ADAM12: variants seen among roughly 807,000 people sequenced by gnomAD.
ADAM12 encodes ADAM metallopeptidase domain 12.
ADAM12 carries 70 observed loss-of-function variants against 106.4 expected under a neutral mutation model. The ratio of observed to expected loss-of-function variants is 0.66; its 90% CI spans 0.54 to 0.80. The LOEUF is 0.80. ADAM12 is among the 30% of genes least tolerant of loss of function. ADAM12 has a pLI of 0.00. For synonymous variants in ADAM12, 420 were observed against 433.5 expected (o/e 0.97, Z 0.39); for missense variants, 1,010 against 1,171.9 (o/e 0.86, Z 2.02).
intron 3 of ADAM12, among the ~76,000 whole-genome samples, chr10:126,166,745 C>T (rs1009503788): frequency 6.6e-6 from 1 of 152,112 alleles, no homozygotes; most frequent in African/African-American, 2.4e-5. Flanking sequence ...GATCCGCCCG[C>T]CTCGACCTCC....
intron 2 of ADAM12, among the ~76,000 whole-genome samples, chr10:126,312,665 C>T (rs530196503): frequency 2.6e-5 from 4 of 152,078 alleles, no homozygotes; most frequent in Admixed American, 2.6e-4. Context: ...AAACACTAAG[C>T]CAAACATGAT....
At chr10:126,163,199 A>G (rs574898700) in intron 3 of ADAM12, among the ~76,000 whole-genome samples, 2 of 152,290 alleles carry the variant, frequency 1.3e-5, no homozygotes, top group South Asian at 4.1e-4. Context: ...TAAATTACCA[A>G]GTCTCAGGTA....
intron 11 of ADAM12, among the ~76,000 whole-genome samples, chr10:126,093,365 C>T (rs535940823): frequency 6.6e-6 from 1 of 152,078 alleles, no homozygotes; most frequent in Admixed American, 6.5e-5. Context: ...TGAACCAAGT[C>T]GGGAGTGTCA....
intron 4 of ADAM12, chr10:126,145,462 GCAGTGTAGCA>G (rs142221184): frequency 0.32 from 49,408 of 152,390 alleles, 8,382 homozygotes; most frequent in Non-Finnish European, 0.38. Flanking sequence ...TGAACTGGAG[GCAGTGTAGCA>G]CAGCATATAG....
intron 5 of ADAM12, among the ~76,000 whole-genome samples, chr10:126,124,892 T>C (rs1337635101): frequency 5.9e-5 from 2 of 33,662 alleles, no homozygotes; most frequent in Admixed American, 6.4e-4. Flanking sequence ...TGAGACACCG[T>C]CTCAAAAAAA....
chr10:126,318,974 G>A (rs1030288425), intron 2 of ADAM12, among the ~76,000 whole-genome samples: 1 of 152,122 alleles, frequency 6.6e-6, no homozygotes. Flanking sequence ...TCACTATCAT[G>A]AGAACAGCAT....
intron 12 of ADAM12, among the ~76,000 whole-genome samples, chr10:126,067,189 A>G (rs1221243613): frequency 6.6e-6 from 1 of 152,256 alleles, no homozygotes; most frequent in Non-Finnish European, 1.5e-5. Context: ...ACCCAATCAA[A>G]AATATACATA....
intron 3 of ADAM12, among the ~76,000 whole-genome samples, chr10:126,269,918 G>A (rs916648125): frequency 2.6e-5 from 4 of 152,182 alleles, no homozygotes; most frequent in East Asian, 1.9e-4. Flanking sequence ...AAGTTAACTC[G>A]GGTTGAGGAA....
intron 6 of ADAM12, among the ~76,000 whole-genome samples, chr10:126,113,715 T>TA (rs1675766244): frequency 1.6e-5 from 1 of 60,630 alleles, no homozygotes; most frequent in Non-Finnish European, 2.8e-5. Context: ...TATATATATA[T>TA]ATATATATAT....
At chr10:126,245,014 G>C (rs1018829256) in intron 3 of ADAM12, among the ~76,000 whole-genome samples, 8 of 152,176 alleles carry the variant, frequency 5.3e-5, no homozygotes, top group Non-Finnish European at 8.8e-5. Context: ...CAGGGGAGGG[G>C]CTTGCACCAA....
At chr10:126,322,414 G>A (rs1854132372) in intron 2 of ADAM12, among the ~76,000 whole-genome samples, 1 of 152,156 alleles carries the variant, frequency 6.6e-6, no homozygotes, top group African/African-American at 2.4e-5. Context: ...TCAACCCGGG[G>A]CAATTTTACA....
At chr10:126,348,743 G>A (rs1460788667) in intron 1 of ADAM12, among the ~76,000 whole-genome samples, 1 of 152,128 alleles carries the variant, frequency 6.6e-6, no homozygotes, top group African/African-American at 2.4e-5. Flanking sequence ...GTTTATGAGA[G>A]CGAACCATAA....
intron 21 of ADAM12, 27 bp from the exon 22 acceptor site, chr10:126,019,852 G>A (rs1484187807): frequency 6.3e-7 from 1 of 1,597,968 alleles, no homozygotes; most frequent in Non-Finnish European, 8.5e-7. Context: ...GTTAGGCAGG[G>A]TCACTTACCA....
At chr10:126,249,263 T>C (rs1398159580) in intron 3 of ADAM12, among the ~76,000 whole-genome samples, 1 of 148,128 alleles carries the variant, frequency 6.8e-6, no homozygotes, top group Non-Finnish European at 1.5e-5. Context: ...TAATGGCCAA[T>C]AGAATCCAAT....
intron 11 of ADAM12, among the ~76,000 whole-genome samples, chr10:126,080,223 G>T (rs1031742572): frequency 1.3e-5 from 2 of 152,108 alleles, no homozygotes; most frequent in Non-Finnish European, 2.9e-5. Flanking sequence ...TCCATGAAAA[G>T]AACATTGACT....
At position 126,036,190 on chromosome 10, in the gene ADAM12, G is replaced by A; in HGVS notation, c.2485C>T (p.Pro829Ser). ...LHRAPRAPSV[P>S]ARPLPAKPAL... The stretch of plus-strand genomic sequence containing the variant: ...GGCTTGGCTGGCAGGGGTCTGGCAG[G>A]GACGCTAGGTGCACGTGGAGCCCGG... Residue 829 changes from proline to serine, a missense_variant, in exon 21 of 23, where the codon CCT (proline) becomes TCT (serine). Coordinates refer to ENST00000448723, the MANE Select transcript of ADAM12 (RefSeq NM_001288973.2). 6.5e-7 allele frequency: 1 copy of A among 1,535,232 alleles called. No homozygotes were observed. Among genetic ancestry groups the A allele is most frequent in the Admixed American group, 2.2e-5 (1 of 45,174 alleles).
At position 126,121,137 on chromosome 10, in the gene ADAM12, A is replaced by ATAGT. The variant is rs369000232; in HGVS notation, c.417-2914_417-2913insACTA. 6.1e-3 allele frequency among the ~76,000 whole-genome samples: 173 copies of ATAGT among 28,594 alleles called. 2 individuals are homozygous for ATAGT. The highest frequency in any genetic ancestry group is 0.025 in the African/African-American group (118 of 4,714). The allele number at this position is 28,594 out of a possible 152,430, so 18.8% of individuals were successfully genotyped here. On this transcript the variant is annotated intron_variant, in intron 5 of 22. Coordinates refer to ENST00000448723, the MANE Select transcript of ADAM12 (RefSeq NM_001288973.2). ...TATATATATAGTATATATACTATAT[A>ATAGT]CTATATATACTATATATACTATATA...
chr10:126,186,231 C>T (rs1200170058), intron 3 of ADAM12, among the ~76,000 whole-genome samples: 1 of 152,130 alleles, frequency 6.6e-6, no homozygotes, highest in Admixed American at 6.5e-5. Context: ...GTAATCCCCG[C>T]GGGGCAGAAA....
intron 1 of ADAM12, among the ~76,000 whole-genome samples, chr10:126,370,421 G>C (rs1473277760): frequency 6.6e-6 from 1 of 152,216 alleles, no homozygotes; most frequent in African/African-American, 2.4e-5. Context: ...GGAAACAGAA[G>C]ATAGTATACT....
Sources: allele counts gnomAD v4.1 joint callset (sites outside exome capture counted in the v4.1 genomes callset), GRCh38; gene constraint gnomAD v4.1.1; transcripts MANE v1.5; gene names NCBI Gene and HGNC (gene_info 2026-07-23, HGNC 2026-07-21).